DNAJC24: variants seen among roughly 807,000 people sequenced by gnomAD.
DNAJC24 encodes the protein dnaJ homolog subfamily C member 24.
Under a neutral mutation model 18.0 loss-of-function variants are expected in DNAJC24, and 17 were observed. The observed-to-expected ratio is 0.94, with a 90% CI of 0.65 to 1.42. The LOEUF (loss-of-function observed/expected upper bound fraction) is 1.42, where lower values mean the gene tolerates loss of function less well. Ranked by LOEUF, DNAJC24 falls within the 40% of genes most tolerant of loss-of-function variation. The pLI is 0.00. For missense variants in DNAJC24, 158 were observed against 175.6 expected (o/e 0.90, Z 0.57); for synonymous variants, 55 against 57.7 (o/e 0.95, Z 0.21).
In DNAJC24 at chr11:31,431,461, T is replaced by A. The variant is rs1952923364; in HGVS notation, c.*1060T>A. 6.6e-6 allele frequency: 1 copy of A among 151,306 alleles called. No individual in the cohort carries two copies. Among genetic ancestry groups the A allele is most frequent in the Non-Finnish European group, 1.5e-5 (1 of 67,800 alleles). 9.4% of individuals were successfully genotyped at this position (151,306 alleles called of 1,614,324 possible). On this transcript the variant is annotated 3_prime_UTR_variant, in exon 5 of 5. Coordinates refer to ENST00000465995, the MANE Select transcript of DNAJC24 (RefSeq NM_181706.5). ...CCACCATGCCTGGCCAGAAGCTTTT[T>A]TAAAAATAATGACTTGGAAGTTGGT... is the stretch of plus-strand genomic sequence containing the variant.
At chr11:31,415,073 T>G in intron 3 of DNAJC24, 124 bp downstream of exon 3, 2 of 1,040,298 alleles carry the variant, frequency 1.9e-6, no homozygotes, top group Non-Finnish European at 2.7e-6. Context: ...ATTCCTCCCC[T>G]CCATCACTGT....
Position 31,406,499 on chromosome 11 carries a change from G to A in DNAJC24, c.112-8312G>A, listed in dbSNP as rs893667321. 7.9e-5 allele frequency among the ~76,000 whole-genome samples: 12 copies of A among 152,250 alleles called. No homozygotes were observed. In the South Asian group the frequency reaches 1.7e-3, roughly 21 times the overall value. On this transcript the variant is annotated intron_variant, in intron 2 of 4. Coordinates refer to ENST00000465995, the MANE Select transcript of DNAJC24 (RefSeq NM_181706.5). Reference sequence around the variant, plus strand: ...ACAGATATGGATATAGTTAAAATACGGTGTTTATATATTCAGTGTTTAATA... The same window carrying A: ...ACAGATATGGATATAGTTAAAATACAGTGTTTATATATTCAGTGTTTAATA...
intron 2 of DNAJC24, among the ~76,000 whole-genome samples, chr11:31,386,025 C>A (rs942957949): frequency 4.6e-5 from 7 of 152,124 alleles, no homozygotes; most frequent in Non-Finnish European, 1.0e-4. Flanking sequence ...CAGAACTCAA[C>A]CAGCACCCAC....
chr11:31,381,304 A>G (rs956259822), intron 2 of DNAJC24, among the ~76,000 whole-genome samples: 2 of 152,110 alleles, frequency 1.3e-5, no homozygotes, highest in Admixed American at 1.3e-4. Flanking sequence ...AATAATTTGT[A>G]TTACATATCT....
chr11:31,429,498 A>G (rs1952898466), intron 4 of DNAJC24: 3 of 397,822 alleles, frequency 7.5e-6, no homozygotes, highest in South Asian at 1.8e-5. Context: ...TCTCAGAGAC[A>G]GTAAAATGGA....
chr11:31,399,644 C>G (rs1469908604), intron 2 of DNAJC24, among the ~76,000 whole-genome samples: 7 of 151,370 alleles, frequency 4.6e-5, no homozygotes, highest in Admixed American at 4.6e-4. Flanking sequence ...GAACCCCTGA[C>G]CTCGTGATCT....
intron 2 of DNAJC24, among the ~76,000 whole-genome samples, chr11:31,407,267 A>T (rs976359090): frequency 2.4e-4 from 36 of 152,138 alleles, no homozygotes; most frequent in African/African-American, 8.7e-4. Context: ...CTTCTTATGT[A>T]TAGTTTATAT....
intron 4 of DNAJC24, 124 bp downstream of exon 4, chr11:31,426,479 T>C: frequency 1.8e-6 from 1 of 559,302 alleles, no homozygotes; most frequent in Non-Finnish European, 3.0e-6. Flanking sequence ...TATATATATG[T>C]GGTAAGTGTT....
intron 2 of DNAJC24, among the ~76,000 whole-genome samples, chr11:31,375,698 G>A (rs2133466541): frequency 7.4e-6 from 1 of 135,200 alleles, no homozygotes; most frequent in Middle Eastern, 3.9e-3. Flanking sequence ...GCAATAGCCG[G>A]TTTATTTGTA....
intron 2 of DNAJC24, among the ~76,000 whole-genome samples, chr11:31,376,279 C>A (rs188908919): frequency 6.6e-6 from 1 of 152,116 alleles, no homozygotes; most frequent in Non-Finnish European, 1.5e-5. Flanking sequence ...TGCTCAGTCC[C>A]GGGTATATCT....
intron 2 of DNAJC24, among the ~76,000 whole-genome samples, chr11:31,372,265 G>C (rs1351895389): frequency 2.4e-5 from 2 of 83,532 alleles, no homozygotes; most frequent in South Asian, 8.7e-4. Context: ...AGTTTATAAA[G>C]AGTAAAGAAC....
rs982561696 is a variant in DNAJC24, at chr11:31,375,289, C to T, written c.111+4430C>T. Among the ~76,000 whole-genome samples the T allele has an allele frequency of 5.9e-5, 8 of 135,588 alleles. 1 individual carries two copies. Among genetic ancestry groups the T allele is most frequent in the Non-Finnish European group, 3.4e-5 (2 of 58,702 alleles). 89.0% of individuals were successfully genotyped at this position (135,588 alleles called of 152,430 possible). ...GCACTTGCACTCTGCCCATCCACTA[C>T]CTCACCTGATTCTCACTCACTGTTT... On this transcript the variant is annotated intron_variant, in intron 2 of 4. Coordinates refer to ENST00000465995, the MANE Select transcript of DNAJC24 (RefSeq NM_181706.5).
At chr11:31,418,441 A>G (rs768160255) in intron 3 of DNAJC24, among the ~76,000 whole-genome samples, 1 of 152,134 alleles carries the variant, frequency 6.6e-6, no homozygotes, top group Non-Finnish European at 1.5e-5. Context: ...TCATGATTCA[A>G]TAGCTTTGTA....
intron 2 of DNAJC24, among the ~76,000 whole-genome samples, chr11:31,374,965 CT>C (rs1202946984): frequency 4.5e-5 from 6 of 134,252 alleles, no homozygotes; most frequent in African/African-American, 1.2e-4. Context: ...ACATTTATGC[CT>C]TTTTTTAAAA....
intron 3 of DNAJC24, chr11:31,417,440 G>A (rs1197295738): frequency 1.3e-5 from 2 of 152,032 alleles, no homozygotes; most frequent in Non-Finnish European, 2.9e-5. Flanking sequence ...TAAAAGTGAG[G>A]ATTTAGGTTT....
rs138860122 is a variant in DNAJC24, at chr11:31,425,595, G to A, written c.251-692G>A. ...TGCTCCTTCCTTTATGTGTGGGTGCGTGTGGAAAGAGATCACTCTCTAATC... is the reference window on the plus strand; with the variant it reads ...TGCTCCTTCCTTTATGTGTGGGTGCATGTGGAAAGAGATCACTCTCTAATC... On this transcript the variant is annotated intron_variant, in intron 3 of 4. Transcript: ENST00000465995. Among the ~76,000 whole-genome samples the A allele has an allele frequency of 3.9e-3, 593 of 152,130 alleles. 4 individuals carry two copies. The highest frequency in any genetic ancestry group is 0.013 in the African/African-American group (545 of 41,492).
In DNAJC24 at chr11:31,375,658, CAGGA is replaced by C. The variant is rs1030266924; in HGVS notation, c.111+4814_111+4817del. ...TAGGAGGGACCTGTCTTCATTGTTA[CAGGA>C]AGGAAGGAAGGAAGAAAAGATAGTT... is the stretch of plus-strand genomic sequence containing the variant. On this transcript the variant is annotated intron_variant, in intron 2 of 4. Coordinates refer to ENST00000465995, the MANE Select transcript of DNAJC24 (RefSeq NM_181706.5). 2.2e-5 allele frequency among the ~76,000 whole-genome samples: 3 copies of C among 134,110 alleles called. 1 individual carries two copies. The highest frequency in any genetic ancestry group is 5.2e-5 in the Non-Finnish European group (3 of 57,962). The allele number at this position is 134,110 out of a possible 152,430, so 88.0% of individuals were successfully genotyped here.
intron 2 of DNAJC24, among the ~76,000 whole-genome samples, chr11:31,383,798 ATG>A (rs1952401793): frequency 6.6e-6 from 1 of 152,270 alleles, no homozygotes; most frequent in Admixed American, 6.5e-5. Context: ...TTTCGTCCTA[ATG>A]TAACAGAATG....
intron 2 of DNAJC24, among the ~76,000 whole-genome samples, chr11:31,401,185 C>T (rs987241949): frequency 6.6e-6 from 1 of 152,126 alleles, no homozygotes; most frequent in Non-Finnish European, 1.5e-5. Flanking sequence ...TACCATCTCA[C>T]GCCAGTCAGA....
Sources: allele counts gnomAD v4.1 joint callset (sites outside exome capture counted in the v4.1 genomes callset), GRCh38; gene constraint gnomAD v4.1.1; transcripts MANE v1.5; gene names NCBI Gene and HGNC (gene_info 2026-07-23, HGNC 2026-07-21).